Variants in CDH8 observed in about 807,000 individuals in gnomAD.
CDH8 encodes cadherin 8, also known as cadherin-8.
CDH8 carries 17 observed loss-of-function variants against 68.1 expected under a neutral mutation model. The observed-to-expected ratio is 0.25, with a 90% CI of 0.17 to 0.37. CDH8 has a LOEUF of 0.37. Ranked by LOEUF, CDH8 falls within the 10% of genes least tolerant of loss-of-function variation. The probability of loss-of-function intolerance (pLI) is 1.00; values close to 1 mark genes in which losing one functional copy is unlikely to be tolerated. For synonymous variants in CDH8, 372 were observed against 365.1 expected, an observed-to-expected ratio of 1.02 and a Z score of -0.21; for missense variants, 763 against 999.3, an observed-to-expected ratio of 0.76 and a Z score of 3.19.
At chr16:61,902,408 C>CTGTTTTAAA (rs1357791119) in intron 2 of CDH8, among the ~76,000 whole-genome samples, 1 of 151,978 alleles carries the variant, frequency 6.6e-6, no homozygotes, top group Admixed American at 6.6e-5. Context: ...GGTGTCTCTC[C>CTGTTTTAAA]TGTTTTAAAA....
chr16:61,687,288 TAA>T (rs1387389069), intron 10 of CDH8, among the ~76,000 whole-genome samples: 2 of 151,982 alleles, frequency 1.3e-5, no homozygotes, highest in Non-Finnish European at 2.9e-5. Context: ...ATAAAGTACA[TAA>T]GAGTCAATTC....
At chr16:61,945,222 A>G (rs940671268) in intron 2 of CDH8, among the ~76,000 whole-genome samples, 1 of 152,184 alleles carries the variant, frequency 6.6e-6, no homozygotes, top group African/African-American at 2.4e-5. Context: ...GAGATTATCC[A>G]TACAACAGGG....
At chr16:61,893,513 A>G (rs1963815496) in intron 3 of CDH8, among the ~76,000 whole-genome samples, 1 of 152,048 alleles carries the variant, frequency 6.6e-6, no homozygotes, top group Non-Finnish European at 1.5e-5. Flanking sequence ...ACATCCTAAT[A>G]ACAATGAACA....
chr16:61,971,436 G>C (rs1965338806), intron 2 of CDH8, among the ~76,000 whole-genome samples: 1 of 152,130 alleles, frequency 6.6e-6, no homozygotes, highest in South Asian at 2.1e-4. Flanking sequence ...TGGTTTAATA[G>C]AATATTTTTA....
chr16:61,926,522 C>G (rs141747120), intron 2 of CDH8, among the ~76,000 whole-genome samples: 1 of 152,104 alleles, frequency 6.6e-6, no homozygotes, highest in South Asian at 2.1e-4. Context: ...CAGATGAAAA[C>G]CATTAGGTGG....
intron 3 of CDH8, among the ~76,000 whole-genome samples, chr16:61,859,444 G>A (rs1036548943): frequency 2.6e-5 from 4 of 152,242 alleles, no homozygotes; most frequent in African/African-American, 4.8e-5. Context: ...GAATTTTCAT[G>A]CCAAGATGGG....
chr16:61,919,301 C>G (rs1226652877), intron 2 of CDH8, among the ~76,000 whole-genome samples: 5 of 148,488 alleles, frequency 3.4e-5, no homozygotes, highest in South Asian at 2.2e-4. Flanking sequence ...AGCAACGGAA[C>G]AAAGCTGGAC....
At chr16:61,696,471 G>A (rs1167950759) in intron 10 of CDH8, among the ~76,000 whole-genome samples, 4 of 152,176 alleles carry the variant, frequency 2.6e-5, no homozygotes, top group African/African-American at 4.8e-5. Flanking sequence ...AGATGCTGGC[G>A]AGGATGCAGA....
intron 7 of CDH8, among the ~76,000 whole-genome samples, chr16:61,816,451 GTTA>G (rs1962077133): frequency 6.6e-6 from 1 of 152,142 alleles, no homozygotes; most frequent in Non-Finnish European, 1.5e-5. Context: ...GTCTGCCCTA[GTTA>G]TTTGTGACTT....
intron 8 of CDH8, among the ~76,000 whole-genome samples, chr16:61,744,974 T>C (rs1387813555): frequency 6.6e-6 from 1 of 151,402 alleles, no homozygotes; most frequent in African/African-American, 2.4e-5. Context: ...AATATTTTTG[T>C]TTATCTTCTT....
intron 9 of CDH8, among the ~76,000 whole-genome samples, chr16:61,724,625 A>G (rs981686118): frequency 6.6e-6 from 1 of 150,702 alleles, no homozygotes; most frequent in African/African-American, 2.4e-5. Flanking sequence ...TGTCACCTGC[A>G]GTTTTTCTGA....
intron 8 of CDH8, among the ~76,000 whole-genome samples, chr16:61,757,462 A>T (rs1960351479): frequency 6.6e-6 from 1 of 152,168 alleles, no homozygotes; most frequent in Admixed American, 6.6e-5. Flanking sequence ...TTTGTAACTT[A>T]ATGCTTTTGT....
intron 6 of CDH8, among the ~76,000 whole-genome samples, chr16:61,819,952 G>C (rs1328009564): frequency 6.6e-6 from 1 of 152,056 alleles, no homozygotes; most frequent in African/African-American, 2.4e-5. Flanking sequence ...TATTTTCCTT[G>C]CAAGTGTTTT....
intron 8 of CDH8, among the ~76,000 whole-genome samples, chr16:61,765,675 T>C (rs1293301592): frequency 6.6e-6 from 1 of 152,054 alleles, no homozygotes; most frequent in African/African-American, 2.4e-5. Flanking sequence ...AATATGAAAC[T>C]AAATGAAAAT....
At chr16:61,746,424 A>G (rs1239068997) in intron 8 of CDH8, among the ~76,000 whole-genome samples, 1 of 151,882 alleles carries the variant, frequency 6.6e-6, no homozygotes, top group Non-Finnish European at 1.5e-5. Flanking sequence ...TCTCTCTGGT[A>G]TCTGAGTTCC....
At chr16:61,724,640 G>A (rs188423661) in intron 9 of CDH8, among the ~76,000 whole-genome samples, 2 of 150,840 alleles carry the variant, frequency 1.3e-5, no homozygotes, top group East Asian at 1.9e-4. Flanking sequence ...TTCTGAGGCT[G>A]TTGTAAAGCA....
At chr16:61,666,178 C>CTG (rs370163800) in intron 10 of CDH8, among the ~76,000 whole-genome samples, 6,854 of 144,140 alleles carry the variant, frequency 0.048, 293 homozygotes, top group African/African-American at 0.12. Flanking sequence ...AGCACATACT[C>CTG]TGTGTGTGTG....
chr16:61,779,561 G>A (rs1260894335), intron 8 of CDH8, among the ~76,000 whole-genome samples: 1 of 151,396 alleles, frequency 6.6e-6, no homozygotes, highest in Non-Finnish European at 1.5e-5. Context: ...AACGAAATCT[G>A]GACTATTCCT....
chr16:61,840,649 C>A (rs2143008054), intron 4 of CDH8, among the ~76,000 whole-genome samples: 1 of 152,206 alleles, frequency 6.6e-6, no homozygotes, highest in South Asian at 2.1e-4. Flanking sequence ...AAGACATTAT[C>A]CTCAGCAAAC....
Sources: allele counts gnomAD v4.1 joint callset (sites outside exome capture counted in the v4.1 genomes callset), GRCh38; gene constraint gnomAD v4.1.1; transcripts MANE v1.5; gene names NCBI Gene and HGNC (gene_info 2026-07-23, HGNC 2026-07-21).